Variants in LIMCH1 observed in about 807,000 individuals in gnomAD.
LIMCH1 encodes the protein LIM and calponin homology domains-containing protein 1.
LIMCH1 carries 113 observed loss-of-function variants against 176.5 expected under a neutral mutation model. That is an observed-to-expected ratio of 0.64 (90% confidence interval 0.55 to 0.75). LIMCH1 has a LOEUF of 0.75. LIMCH1 is among the 30% of genes least tolerant of loss of function. The probability of loss-of-function intolerance (pLI) is 0.00; values close to 1 mark genes in which losing one functional copy is unlikely to be tolerated. For missense variants in LIMCH1, 1,674 were observed against 1,814.9 expected (o/e 0.92, Z 1.41); for synonymous variants, 619 against 645.9 (o/e 0.96, Z 0.63).
rs957754177 is a variant in LIMCH1, at chr4:41,427,296, A to G, written c.96+66360A>G. On this transcript the variant is annotated intron_variant, in intron 1 of 26. Transcript: ENST00000313860. ...GAACTACTCACTTCTTCTGACTCCAAGGAAGGCCATATCATGTGTTTTAAG... is the reference window on the plus strand; with the variant it reads ...GAACTACTCACTTCTTCTGACTCCAGGGAAGGCCATATCATGTGTTTTAAG... 5.3e-5 allele frequency among the ~76,000 whole-genome samples: 8 copies of G among 152,328 alleles called. 1 individual carries two copies. In the South Asian group the frequency reaches 1.4e-3, roughly 28 times the overall value.
chr4:41,571,260 G>A (rs1055434200), intron 1 of LIMCH1, among the ~76,000 whole-genome samples: 1 of 152,022 alleles, frequency 6.6e-6, no homozygotes, highest in African/African-American at 2.4e-5. Context: ...GATGAAGACA[G>A]AGACAGAGAA....
At chr4:41,576,970 A>C (rs966719559) in intron 1 of LIMCH1, among the ~76,000 whole-genome samples, 1 of 152,180 alleles carries the variant, frequency 6.6e-6, no homozygotes. Context: ...AGCGTTCTGC[A>C]TGTGCAACCA....
At chr4:41,419,691 C>T (rs1208029617) in intron 1 of LIMCH1, among the ~76,000 whole-genome samples, 16 of 89,242 alleles carry the variant, frequency 1.8e-4, no homozygotes, top group Non-Finnish European at 2.0e-4. Flanking sequence ...CTCCTTCCTT[C>T]CTTCCTTCCT....
intron 1 of LIMCH1, among the ~76,000 whole-genome samples, chr4:41,477,795 TAAC>T (rs1441784896): frequency 6.6e-6 from 1 of 152,174 alleles, no homozygotes; most frequent in East Asian, 1.9e-4. Context: ...GCCATTCAAA[TAAC>T]AAACTCTTAG....
At chr4:41,537,735 C>T (rs1054529990), upstream of LIMCH1, among the ~76,000 whole-genome samples, 4 of 152,102 alleles carry the variant, frequency 2.6e-5, no homozygotes, top group Non-Finnish European at 4.4e-5. Context: ...AGGATGTTTT[C>T]AATAAATGGT....
intron 1 of LIMCH1, among the ~76,000 whole-genome samples, chr4:41,404,717 T>A (rs762425196): frequency 1.3e-5 from 2 of 152,132 alleles, no homozygotes; most frequent in Non-Finnish European, 2.9e-5. Flanking sequence ...AGGCAAAGGT[T>A]GCGGTGAGCC....
chr4:41,382,799 T>C (rs2055891546), intron 1 of LIMCH1, among the ~76,000 whole-genome samples: 1 of 152,192 alleles, frequency 6.6e-6, no homozygotes, highest in African/African-American at 2.4e-5. Context: ...GCTGTCACCA[T>C]TGTTTTTTTG....
chr4:41,601,603 A>T (rs972463236), intron 2 of LIMCH1, among the ~76,000 whole-genome samples: 4 of 152,198 alleles, frequency 2.6e-5, no homozygotes, highest in Admixed American at 2.6e-4. Context: ...GCAGGGTAGG[A>T]TGTTGAACTC....
intron 1 of LIMCH1, among the ~76,000 whole-genome samples, chr4:41,433,692 TA>T (rs761855206): frequency 4.9e-4 from 46 of 93,454 alleles, no homozygotes; most frequent in African/African-American, 2.2e-3. Flanking sequence ...TTTTTTTTTT[TA>T]AACTTTTAAA....
intron 1 of LIMCH1, among the ~76,000 whole-genome samples, chr4:41,442,385 A>G (rs1380426971): frequency 6.6e-6 from 1 of 152,250 alleles, no homozygotes; most frequent in Non-Finnish European, 1.5e-5. Flanking sequence ...CATTTTACGA[A>G]AAACACAAGT....
At chr4:41,661,387 T>C (rs776509140) in intron 18 of LIMCH1, 33 bp from the exon 19 acceptor site, 1 of 1,450,608 alleles carries the variant, frequency 6.9e-7, no homozygotes, top group East Asian at 2.3e-5. Flanking sequence ...AAAGGAATCA[T>C]TTATTCAAGG....
intron 1 of LIMCH1, among the ~76,000 whole-genome samples, chr4:41,395,162 A>G (rs2057660219): frequency 6.6e-6 from 1 of 152,092 alleles, no homozygotes; most frequent in Non-Finnish European, 1.5e-5. Flanking sequence ...TTGGAGAACT[A>G]TAATTTGATA....
intron 1 of LIMCH1, among the ~76,000 whole-genome samples, chr4:41,388,049 G>T (rs1254659526): frequency 6.6e-6 from 1 of 152,242 alleles, no homozygotes; most frequent in African/African-American, 2.4e-5. Flanking sequence ...AGCGGAGGTT[G>T]CAGTGAGCTG....
chr4:41,581,805 C>CAAAAAAAAAAAAAAAAAAAAAAAAA (rs56150312), intron 1 of LIMCH1, among the ~76,000 whole-genome samples: 19 of 76,182 alleles, frequency 2.5e-4, no homozygotes, highest in Admixed American at 3.5e-4. Context: ...GACTCTGTCT[C>CAAAAAAAAAAAAAAAAAAAAAAAAA]AAAAAAAAAA....
At chr4:41,670,532 A>C (rs1338502560) in intron 21 of LIMCH1, among the ~76,000 whole-genome samples, 1 of 152,176 alleles carries the variant, frequency 6.6e-6, no homozygotes, top group Non-Finnish European at 1.5e-5. Flanking sequence ...GGTTCTGTTG[A>C]TTTTGTACAT....
chr4:41,445,930 G>A (rs1236784934), intron 1 of LIMCH1, among the ~76,000 whole-genome samples: 2 of 152,164 alleles, frequency 1.3e-5, no homozygotes, highest in African/African-American at 2.4e-5. Context: ...CTTAAAGTGG[G>A]TTTTATTTTC....
At chr4:41,448,584 T>C (rs2063516156) in intron 1 of LIMCH1, among the ~76,000 whole-genome samples, 1 of 152,138 alleles carries the variant, frequency 6.6e-6, no homozygotes, top group African/African-American at 2.4e-5. Flanking sequence ...TGAGAAATAA[T>C]TCATATAACA....
At chr4:41,640,914 A>G (rs1019632478) in intron 14 of LIMCH1, among the ~76,000 whole-genome samples, 3 of 151,804 alleles carry the variant, frequency 2.0e-5, no homozygotes, top group Admixed American at 1.3e-4. Context: ...GAATGTTTCC[A>G]TAGATTTAAT....
At chr4:41,469,013 A>G (rs1278756508) in intron 1 of LIMCH1, among the ~76,000 whole-genome samples, 1 of 152,148 alleles carries the variant, frequency 6.6e-6, no homozygotes, top group Non-Finnish European at 1.5e-5. Flanking sequence ...TCATGAGTTC[A>G]CTCCAACGTA....
Sources: allele counts gnomAD v4.1 joint callset (sites outside exome capture counted in the v4.1 genomes callset), GRCh38; gene constraint gnomAD v4.1.1; transcripts MANE v1.5; gene names NCBI Gene and HGNC (gene_info 2026-07-23, HGNC 2026-07-21).